CPS1: variants seen among roughly 807,000 people sequenced by gnomAD.
CPS1 encodes carbamoyl-phosphate synthase 1.
In CPS1, 109 loss-of-function variants were observed where a neutral mutation model predicts 174.6. The ratio of observed to expected loss-of-function variants is 0.62; its 90% CI spans 0.53 to 0.73. The LOEUF is 0.73. Ranked by LOEUF, CPS1 falls within the 30% of genes least tolerant of loss-of-function variation. The pLI, the probability that CPS1 is intolerant of heterozygous loss-of-function variation, is 0.00. For synonymous variants in CPS1, 637 were observed against 632.0 expected, an observed-to-expected ratio of 1.01 and a Z score of -0.12; for missense variants, 1,689 against 1,821.9, an observed-to-expected ratio of 0.93 and a Z score of 1.33.
chr2:210,499,682 A>G (rs967237647), intron 1 of CPS1, among the ~76,000 whole-genome samples: 1 of 152,066 alleles, frequency 6.6e-6, no homozygotes, highest in Admixed American at 6.5e-5. Flanking sequence ...CCTCTCTCCA[A>G]GTTAGCTCCA....
chr2:210,555,165 TA>T (rs1696870625), upstream of CPS1, among the ~76,000 whole-genome samples: 1 of 152,022 alleles, frequency 6.6e-6, no homozygotes, highest in Non-Finnish European at 1.5e-5. Context: ...TCTAGGCTTT[TA>T]AAAAATATAC....
intron 1 of CPS1, among the ~76,000 whole-genome samples, chr2:210,478,665 G>A (rs563473123): frequency 1.4e-4 from 22 of 152,250 alleles, no homozygotes; most frequent in Non-Finnish European, 2.5e-4. Flanking sequence ...TGAGGATTTA[G>A]CTTCATATTC....
chr2:210,510,276 G>A (rs976766489), intron 1 of CPS1, among the ~76,000 whole-genome samples: 2 of 152,132 alleles, frequency 1.3e-5, no homozygotes, highest in African/African-American at 4.8e-5. Flanking sequence ...AAGCAATGGG[G>A]AAAGGATTCC....
chr2:210,616,572 A>T, intron 21 of CPS1, 31 bp downstream of exon 21: 1 of 1,287,470 alleles, frequency 7.8e-7, no homozygotes, highest in Non-Finnish European at 1.1e-6. Flanking sequence ...TTCATGCCAG[A>T]CACCTTCAGT....
At chr2:210,542,400 A>G (rs1696456793) in intron 1 of CPS1, among the ~76,000 whole-genome samples, 1 of 152,136 alleles carries the variant, frequency 6.6e-6, no homozygotes, top group Non-Finnish European at 1.5e-5. Context: ...CTTCAATTGA[A>G]AAGTCTACAT....
intron 1 of CPS1, among the ~76,000 whole-genome samples, chr2:210,571,632 G>T (rs1025466304): frequency 2.0e-5 from 3 of 151,900 alleles, no homozygotes. Flanking sequence ...AGGTAATCAA[G>T]ACATTATTTT....
At chr2:210,549,759 C>T (rs758163886) in intron 1 of CPS1, among the ~76,000 whole-genome samples, 1 of 151,954 alleles carries the variant, frequency 6.6e-6, no homozygotes, top group Non-Finnish European at 1.5e-5. Flanking sequence ...CTAGGGAATA[C>T]ATTTACTAGG....
chr2:210,662,634 G>A (rs1700961295), intron 32 of CPS1, among the ~76,000 whole-genome samples: 1 of 152,216 alleles, frequency 6.6e-6, no homozygotes, highest in Non-Finnish European at 1.5e-5. Flanking sequence ...GCTTTTAAGA[G>A]GTGTCAACAA....
At chr2:210,593,028 A>T in intron 11 of CPS1, 72 bp downstream of exon 11, 4 of 1,264,760 alleles carry the variant, frequency 3.2e-6, no homozygotes, top group South Asian at 1.2e-5. Context: ...CGAGAAACCA[A>T]AATAATCACC....
chr2:210,524,977 A>C (rs529038316), intron 1 of CPS1, among the ~76,000 whole-genome samples: 7 of 152,100 alleles, frequency 4.6e-5, no homozygotes, highest in Non-Finnish European at 7.4e-5. Context: ...ATTAATTCCA[A>C]TTCAATTCTC....
At chr2:210,658,127 T>A (rs879368862) in intron 30 of CPS1, 14 of 184,770 alleles carry the variant, frequency 7.6e-5, no homozygotes, top group Non-Finnish European at 1.5e-4. Context: ...GAACATAATA[T>A]CTAACCTTGT....
At chr2:210,551,399 A>G (rs916679501) in intron 1 of CPS1, among the ~76,000 whole-genome samples, 2 of 152,020 alleles carry the variant, frequency 1.3e-5, no homozygotes, top group Non-Finnish European at 2.9e-5. Flanking sequence ...GGCCTAGAAT[A>G]TATACTCCAT....
rs767069770 is a variant in CPS1 at position 210,675,842 on chromosome 2, T to TA, written c.4274+4dup. 1.5e-6 allele frequency: 2 copies of TA among 1,304,958 alleles called. No individual in the cohort carries two copies. Among genetic ancestry groups the TA allele is most frequent in the Non-Finnish European group, 2.2e-6 (2 of 897,744 alleles). The allele number at this position is 1,304,958 out of a possible 1,614,324, so 80.8% of individuals were successfully genotyped here. ...TCCCAGCCTCTCTTCCATCAGAAAG[T>TA]AAGAACTAGGCATACTGTTTTCTGA... is the stretch of plus-strand genomic sequence containing the variant. On this transcript the variant is annotated splice_region_variant and intron_variant, in intron 36 of 37. Transcript: ENST00000233072.
intron 1 of CPS1, among the ~76,000 whole-genome samples, chr2:210,484,927 A>G (rs944760346): frequency 4.6e-5 from 7 of 152,112 alleles, no homozygotes; most frequent in African/African-American, 1.7e-4. Flanking sequence ...TTTCAGTAAC[A>G]GTTTTTAAAA....
intron 1 of CPS1, among the ~76,000 whole-genome samples, chr2:210,563,599 G>A (rs1314371057): frequency 1.3e-5 from 2 of 152,166 alleles, no homozygotes; most frequent in African/African-American, 4.8e-5. Context: ...GAAGAAAACT[G>A]GTTCGAAGTA....
intron 13 of CPS1, among the ~76,000 whole-genome samples, chr2:210,598,956 T>C (rs535442226): frequency 6.6e-6 from 1 of 151,992 alleles, no homozygotes; most frequent in Non-Finnish European, 1.5e-5. Context: ...ATTGACCACA[T>C]AATTATAAGC....
intron 1 of CPS1, among the ~76,000 whole-genome samples, chr2:210,480,929 C>T (rs566396165): frequency 6.6e-6 from 1 of 152,258 alleles, no homozygotes; most frequent in East Asian, 1.9e-4. Flanking sequence ...GAGCAATTGC[C>T]AGTGGAGGAA....
At chr2:210,547,916 G>A (rs1193835133) in intron 1 of CPS1, among the ~76,000 whole-genome samples, 1 of 151,962 alleles carries the variant, frequency 6.6e-6, no homozygotes, top group East Asian at 1.9e-4. Flanking sequence ...GTCCCTGAAA[G>A]TCCTACAGCT....
Position 210,520,694 on chromosome 2 carries a change from C to G in CPS1, c.4-36025C>G, listed in dbSNP as rs144068193. Among the ~76,000 whole-genome samples the G allele has an allele frequency of 4.0e-3, 604 of 152,128 alleles. 6 individuals carry two copies. The highest frequency in any genetic ancestry group is 0.011 in the African/African-American group (461 of 41,524). On this transcript the variant is annotated intron_variant, in intron 1 of 38. Transcript: ENST00000430249. ...AAAATTTTATACAAATGGAATCATA[C>G]AGTATGGATTATTTTTTGTCTAGCT...
Sources: allele counts gnomAD v4.1 joint callset (sites outside exome capture counted in the v4.1 genomes callset), GRCh38; gene constraint gnomAD v4.1.1; transcripts MANE v1.5; gene names NCBI Gene and HGNC (gene_info 2026-07-23, HGNC 2026-07-21).